The following TCF7L2 variants were observed in gnomAD, a reference collection of about 807,000 sequenced individuals.
TCF7L2 encodes transcription factor 7 like 2.
TCF7L2 carries 23 observed loss-of-function variants against 77.9 expected under a neutral mutation model. That is an observed-to-expected ratio of 0.30 (90% CI 0.21 to 0.42). The LOEUF (loss-of-function observed/expected upper bound fraction) is 0.42, where lower values mean the gene tolerates loss of function less well. TCF7L2 is among the 10% of genes least tolerant of loss of function. The pLI is 1.00. For synonymous variants in TCF7L2, 413 were observed against 340.2 expected, an observed-to-expected ratio of 1.21 and a Z score of -2.36; for missense variants, 654 against 793.1, an observed-to-expected ratio of 0.82 and a Z score of 2.11.
At chr10:113,136,052 A>G (rs1302406936) in intron 5 of TCF7L2, among the ~76,000 whole-genome samples, 2 of 152,034 alleles carry the variant, frequency 1.3e-5, no homozygotes, top group Non-Finnish European at 2.9e-5. Flanking sequence ...TGGTGGAGGC[A>G]GGCAGGTGAG....
chr10:113,073,125 TGTGTGAGA>T lies in TCF7L2; in HGVS notation c.552+33001_552+33008del, dbSNP rs1280396154. Among the ~76,000 whole-genome samples, 66 of 138,226 alleles carry T rather than the reference TGTGTGAGA, an allele frequency of 4.8e-4. No homozygotes were observed. The East Asian group carries it at 0.013, about 26-fold the overall frequency. The allele number at this position is 138,226 out of a possible 152,430, so 90.7% of individuals were successfully genotyped here. A position where few individuals can be genotyped will look rare whatever the true frequency, so the allele number is the denominator to read the frequency against. On this transcript the variant is annotated intron_variant, in intron 5 of 13. Transcript: ENST00000627217. Reference sequence around the variant, plus strand: ...GTGTGTGTGTGTGTGTGTGTGTGTGTGTGTGAGAGAGAGAGAGAGAGAGAGACAGAGAG... The same window carrying T: ...GTGTGTGTGTGTGTGTGTGTGTGTGTGAGAGAGAGAGAGAGAGACAGAGAG...
intron 4 of TCF7L2, chr10:112,987,341 A>G (rs1333736896): frequency 6.6e-6 from 1 of 151,902 alleles, no homozygotes; most frequent in Non-Finnish European, 1.5e-5. Context: ...GATTGTTGTG[A>G]TAATGAAATG....
At chr10:113,123,754 G>A (rs2065146457) in intron 5 of TCF7L2, among the ~76,000 whole-genome samples, 1 of 152,220 alleles carries the variant, frequency 6.6e-6, no homozygotes, top group Non-Finnish European at 1.5e-5. Context: ...TGCTAGAGGA[G>A]AAGTCTTAGC....
intron 5 of TCF7L2, among the ~76,000 whole-genome samples, chr10:113,065,244 A>C (rs1012281503): frequency 6.6e-6 from 1 of 152,190 alleles, no homozygotes; most frequent in African/African-American, 2.4e-5. Flanking sequence ...GAATAGGCAA[A>C]AGGCCTGTTT....
chr10:112,990,916 G>C (rs760409373), intron 4 of TCF7L2, among the ~76,000 whole-genome samples: 1 of 152,160 alleles, frequency 6.6e-6, no homozygotes, highest in East Asian at 1.9e-4. Flanking sequence ...TTCAATTGGA[G>C]ACTGATCCAT....
intron 3 of TCF7L2, among the ~76,000 whole-genome samples, chr10:112,961,095 C>T (rs1280315930): frequency 2.0e-5 from 3 of 151,940 alleles, no homozygotes; most frequent in African/African-American, 7.3e-5. Context: ...CTCACCGCAA[C>T]CTCCCCCTCC....
At chr10:113,073,760 C>G (rs530178213) in intron 5 of TCF7L2, among the ~76,000 whole-genome samples, 1 of 152,212 alleles carries the variant, frequency 6.6e-6, no homozygotes, top group African/African-American at 2.4e-5. Flanking sequence ...TCCCGATCTC[C>G]TTTTTTATTT....
chr10:113,016,958 C>T (rs2047434191), intron 4 of TCF7L2, among the ~76,000 whole-genome samples: 1 of 152,154 alleles, frequency 6.6e-6, no homozygotes, highest in Non-Finnish European at 1.5e-5. Flanking sequence ...GCTCAGAAAC[C>T]CAGAGGACTG....
At position 113,117,423 on chromosome 10, in the gene TCF7L2, CT is replaced by C. The variant is rs1179773089; in HGVS notation, c.553-23760del. On this transcript the variant is annotated intron_variant, in intron 5 of 13. Transcript: ENST00000627217. Reference sequence around the variant, plus strand: ...TCTCTCTCTCTCTCTCTCTCTCTCTCTCTCTCTCTCCCTCTCTCTCTCTCTC... The same window carrying C: ...TCTCTCTCTCTCTCTCTCTCTCTCTCCTCTCTCTCCCTCTCTCTCTCTCTC... Among the ~76,000 whole-genome samples, 25 of 42,870 alleles carry C rather than the reference CT, an allele frequency of 5.8e-4. 1 individual carries two copies. Among genetic ancestry groups the C allele is most frequent in the Non-Finnish European group, 8.9e-4 (18 of 20,262 alleles). 28.1% of individuals were successfully genotyped at this position (42,870 alleles called of 152,430 possible).
intron 4 of TCF7L2, among the ~76,000 whole-genome samples, chr10:112,976,857 A>T (rs891276764): frequency 6.6e-6 from 1 of 152,178 alleles, no homozygotes; most frequent in African/African-American, 2.4e-5. Context: ...CTGCTGTCTT[A>T]GAGACTATGG....
At chr10:113,129,355 C>T in intron 5 of TCF7L2, 1 of 989,274 alleles carries the variant, frequency 1.0e-6, no homozygotes, top group African/African-American at 1.7e-5. Context: ...AGCGGCAGCT[C>T]TGTCCCTGCT....
chr10:113,103,803 G>A (rs1484071833), intron 5 of TCF7L2, among the ~76,000 whole-genome samples: 1 of 152,180 alleles, frequency 6.6e-6, no homozygotes, highest in East Asian at 1.9e-4. Flanking sequence ...TCCCCATGAT[G>A]GTGGGCTACA....
At chr10:113,150,846 C>T (rs531957348) in intron 8 of TCF7L2, 152 bp from the exon 9 acceptor site, 14 of 901,864 alleles carry the variant, frequency 1.6e-5, no homozygotes, top group South Asian at 3.8e-5. Flanking sequence ...TTTAATTTAT[C>T]GCTAATTAAT....
Position 112,951,918 on chromosome 10 carries a change from C to T in TCF7L2, c.381+311C>T, listed in dbSNP as rs113999985. On this transcript the variant is annotated intron_variant, in intron 3 of 13. Coordinates refer to ENST00000627217, the MANE Select transcript of TCF7L2 (RefSeq NM_001146274.2). Reference sequence around the variant, plus strand: ...AGGGGGGGGAATCCGAAGAACTTTCCTTTGCGTTCTGGTTCCCCCTCCCCC... The same window carrying T: ...AGGGGGGGGAATCCGAAGAACTTTCTTTTGCGTTCTGGTTCCCCCTCCCCC... 0.56 allele frequency: 84,899 copies of T among 151,218 alleles called. 24,101 individuals carry two copies. Among genetic ancestry groups the T allele is most frequent in the African/African-American group, 0.64 (26,387 of 40,936 alleles). 9.4% of individuals were successfully genotyped at this position (151,218 alleles called of 1,614,324 possible).
At chr10:113,069,867 A>G (rs568032234) in intron 5 of TCF7L2, among the ~76,000 whole-genome samples, 16 of 152,260 alleles carry the variant, frequency 1.1e-4, no homozygotes, top group African/African-American at 3.9e-4. Flanking sequence ...TAGTGGCAAG[A>G]ATGCTTTGGT....
intron 5 of TCF7L2, among the ~76,000 whole-genome samples, chr10:113,110,375 T>G (rs1564907802): frequency 6.6e-6 from 1 of 151,340 alleles, no homozygotes; most frequent in Admixed American, 6.6e-5. Flanking sequence ...TGGGGTTTTT[T>G]TTTTTTTTTT....
At chr10:112,971,826 T>C (rs2038320314) in intron 4 of TCF7L2, among the ~76,000 whole-genome samples, 1 of 151,866 alleles carries the variant, frequency 6.6e-6, no homozygotes, top group Non-Finnish European at 1.5e-5. Flanking sequence ...TTGGCCAGGC[T>C]AGTCTCAAAC....
chr10:112,951,537 C>A lies in TCF7L2; in HGVS notation c.311C>A (p.Pro104His), dbSNP rs2134205229. The A allele has an allele frequency of 7.0e-7, 1 of 1,427,402 alleles. No homozygotes were observed. The highest frequency in any genetic ancestry group is 9.4e-7 in the Non-Finnish European group (1 of 1,067,308). 88.4% of individuals were successfully genotyped at this position (1,427,402 alleles called of 1,614,324 possible). ...AAGGGGCCACCGTATCCCGGCTACC[C>A]CTTCATCATGATCCCCGACCTGACG... Residue 104 changes from proline (P) to histidine (H), a missense_variant, in exon 3 of 14, where the codon CCC (proline) becomes CAC (histidine). Pro to His is a moderately conservative substitution (Grantham distance 77). This residue lies in a region of TCF7L2 where 132 missense variants were observed against 123.7 expected (regional missense o/e 1.07). Coordinates refer to ENST00000627217, the MANE Select transcript of TCF7L2 (RefSeq NM_001146274.2).
intron 8 of TCF7L2, 92 bp downstream of exon 8, chr10:113,146,189 G>C: frequency 8.7e-7 from 1 of 1,145,608 alleles, no homozygotes; most frequent in Non-Finnish European, 1.3e-6. Flanking sequence ...AGGGACCACA[G>C]CTACATGTAG....
Sources: gnomAD v4.1 joint callset for allele counts (sites outside exome capture counted in the v4.1 genomes callset) on GRCh38, gnomAD v4.1.1 for gene constraint, gnomAD v4.1.1 regional missense constraint, MANE v1.5 for transcripts, NCBI Gene and HGNC (gene_info 2026-07-23, HGNC 2026-07-21) for gene names.